The following NAALADL2 variants were observed in gnomAD, a reference collection of about 807,000 sequenced individuals.
The protein encoded by NAALADL2 is inactive N-acetylated-alpha-linked acidic dipeptidase-like protein 2.
Under a neutral mutation model 87.2 loss-of-function variants are expected in NAALADL2, and 76 were observed. The observed-to-expected ratio is 0.87, with a 90% CI of 0.72 to 1.05. The LOEUF is 1.05. NAALADL2 is among the 50% of genes least tolerant of loss of function. The pLI, the probability that NAALADL2 is intolerant of heterozygous loss-of-function variation, is 0.00. For missense variants in NAALADL2, 1,089 were observed against 945.8 expected (o/e 1.15, Z -1.99); for synonymous variants, 354 against 331.0 (o/e 1.07, Z -0.75).
At chr3:175,425,998 A>C (rs1490921626) in intron 5 of NAALADL2, among the ~76,000 whole-genome samples, 2 of 152,200 alleles carry the variant, frequency 1.3e-5, no homozygotes, top group Admixed American at 1.3e-4. Flanking sequence ...ACAAGTAATC[A>C]TGGAGTCTGT....
In NAALADL2 at chr3:175,550,228, G is replaced by GTAT. The variant is rs1354564150; in HGVS notation, c.1654-25811_1654-25809dup. On this transcript the variant is annotated intron_variant, in intron 9 of 13. Transcript: ENST00000454872. ...ATACTGTCAACATGATATTTTAAAA[G>GTAT]TATTTGGGAGACTCTGGAAAACATA... Among the ~76,000 whole-genome samples the GTAT allele has an allele frequency of 8.5e-5, 13 of 152,206 alleles. No individual in the cohort carries two copies. The East Asian group carries it at 2.5e-3, about 29-fold the overall frequency.
chr3:174,666,307 A>G (rs1725951322), intron 2 of NAALADL2, among the ~76,000 whole-genome samples: 2 of 152,220 alleles, frequency 1.3e-5, no homozygotes, highest in South Asian at 4.1e-4. Flanking sequence ...GACAGCACAA[A>G]CCAAAATTAT....
At chr3:174,673,957 G>A (rs1212918752) in intron 2 of NAALADL2, among the ~76,000 whole-genome samples, 2 of 152,026 alleles carry the variant, frequency 1.3e-5, no homozygotes, top group East Asian at 3.9e-4. Context: ...AAAAAAAATT[G>A]GCAGCTGTTT....
chr3:174,961,037 T>TAA (rs1258744075), intron 1 of NAALADL2, among the ~76,000 whole-genome samples: 6 of 114,620 alleles, frequency 5.2e-5, no homozygotes, highest in Admixed American at 8.8e-5. Context: ...ACCTTGTTTC[T>TAA]AAAAATATAT....
chr3:174,528,965 A>T (rs866275971), intron 1 of NAALADL2, among the ~76,000 whole-genome samples: 2 of 151,830 alleles, frequency 1.3e-5, no homozygotes, highest in Admixed American at 6.6e-5. Flanking sequence ...CCCCTCACAA[A>T]TCTCACGTCC....
At chr3:175,295,504 AC>A (rs1221339312) in intron 4 of NAALADL2, among the ~76,000 whole-genome samples, 16 of 152,064 alleles carry the variant, frequency 1.1e-4, no homozygotes, top group Non-Finnish European at 1.0e-4. Flanking sequence ...ATGCCCTCGT[AC>A]AAAAAAATTA....
chr3:174,948,407 C>T (rs1739798413), intron 1 of NAALADL2, among the ~76,000 whole-genome samples: 1 of 152,074 alleles, frequency 6.6e-6, no homozygotes, highest in Non-Finnish European at 1.5e-5. Flanking sequence ...GAACTCCTGA[C>T]CTCAGGTGAT....
chr3:174,825,923 A>T (rs1721931952), intron 3 of NAALADL2, among the ~76,000 whole-genome samples: 1 of 152,068 alleles, frequency 6.6e-6, no homozygotes, highest in Non-Finnish European at 1.5e-5. Context: ...GCTACTCAGG[A>T]GGCTGAGGCA....
chr3:174,770,203 G>A (rs565006413), intron 3 of NAALADL2, among the ~76,000 whole-genome samples: 1 of 152,282 alleles, frequency 6.6e-6, no homozygotes, highest in South Asian at 2.1e-4. Context: ...CTGACTGTGA[G>A]TTAAAACAAA....
chr3:175,324,040 AAAAGAAAAAG>A (rs1199997663), intron 4 of NAALADL2, 125 bp from the exon 5 acceptor site: 6 of 536,536 alleles, frequency 1.1e-5, no homozygotes, highest in African/African-American at 7.2e-5. Flanking sequence ...AAAAAAAAAA[AAAAGAAAAAG>A]AAAAAGAAAA....
intron 2 of NAALADL2, among the ~76,000 whole-genome samples, chr3:175,126,953 C>T (rs368865001): frequency 6.0e-5 from 9 of 149,894 alleles, no homozygotes; most frequent in South Asian, 2.1e-4. Context: ...TTATGAGTAT[C>T]GACTGTAGAA....
At chr3:175,445,032 C>T (rs568655683) in intron 5 of NAALADL2, among the ~76,000 whole-genome samples, 7 of 152,094 alleles carry the variant, frequency 4.6e-5, no homozygotes, top group African/African-American at 9.7e-5. Context: ...TCTGAAGTCC[C>T]GTCAATTAAA....
chr3:175,345,392 A>G (rs1346255023), intron 5 of NAALADL2, among the ~76,000 whole-genome samples: 1 of 152,084 alleles, frequency 6.6e-6, no homozygotes, highest in Non-Finnish European at 1.5e-5. Context: ...CGTCTGATGA[A>G]TCTTCTTTTT....
intron 9 of NAALADL2, among the ~76,000 whole-genome samples, chr3:175,566,241 A>G (rs539781600): frequency 6.6e-6 from 1 of 152,264 alleles, no homozygotes; most frequent in African/African-American, 2.4e-5. Context: ...TGTAACATTT[A>G]TTTTTTGGAG....
chr3:175,619,858 A>G (rs1393809741), intron 10 of NAALADL2, among the ~76,000 whole-genome samples: 2 of 152,114 alleles, frequency 1.3e-5, no homozygotes, highest in East Asian at 3.9e-4. Flanking sequence ...GCCAAGGTGT[A>G]GCTTGGGCCA....
At chr3:174,782,528 A>G (rs920796923) in intron 3 of NAALADL2, among the ~76,000 whole-genome samples, 13 of 152,140 alleles carry the variant, frequency 8.5e-5, no homozygotes, top group Admixed American at 2.6e-4. Flanking sequence ...TATATTAAAT[A>G]CATATGTAGC....
At chr3:175,572,034 G>A (rs886283693) in intron 9 of NAALADL2, among the ~76,000 whole-genome samples, 2 of 152,114 alleles carry the variant, frequency 1.3e-5, no homozygotes, top group Non-Finnish European at 2.9e-5. Context: ...ATTGTGTGTG[G>A]AGTGGGGATG....
intron 1 of NAALADL2, among the ~76,000 whole-genome samples, chr3:174,874,486 G>A (rs1408086945): frequency 2.6e-5 from 4 of 152,236 alleles, no homozygotes; most frequent in South Asian, 2.1e-4. Context: ...TGTAAGGGCT[G>A]ACAAAACATG....
chr3:174,789,145 A>G (rs2109193187), intron 3 of NAALADL2, among the ~76,000 whole-genome samples: 1 of 152,270 alleles, frequency 6.6e-6, no homozygotes, highest in Middle Eastern at 3.4e-3. Context: ...ATATTGCTTC[A>G]TTTGTAACTG....
Sources: gnomAD v4.1 joint callset for allele counts (sites outside exome capture counted in the v4.1 genomes callset) on GRCh38, gnomAD v4.1.1 for gene constraint, MANE v1.5 for transcripts, NCBI Gene and HGNC (gene_info 2026-07-23, HGNC 2026-07-21) for gene names.